HRH2: variants seen among roughly 807,000 people sequenced by gnomAD.
HRH2 encodes histamine receptor H2.
In HRH2, 4 loss-of-function variants were observed where a neutral mutation model predicts 20.1. That is an observed-to-expected ratio of 0.20 (90% CI 0.10 to 0.45). The LOEUF (loss-of-function observed/expected upper bound fraction) is 0.45, where lower values mean the gene tolerates loss of function less well. Ranked by LOEUF, HRH2 falls within the 20% of genes least tolerant of loss-of-function variation. HRH2 has a pLI of 0.99. For missense variants in HRH2, 250 were observed against 461.6 expected, an observed-to-expected ratio of 0.54 and a Z score of 4.20; for synonymous variants, 197 against 200.7, an observed-to-expected ratio of 0.98 and a Z score of 0.16.
At position 175,677,237 on chromosome 5, in the gene HRH2, C is replaced by G. The variant is rs78760826; in HGVS notation, c.-525-5472C>G. 3.8e-3 allele frequency among the ~76,000 whole-genome samples: 586 copies of G among 152,344 alleles called. 3 individuals carry two copies. The highest frequency in any genetic ancestry group is 0.027 in the Middle Eastern group (8 of 294). On this transcript the variant is annotated intron_variant, in intron 1 of 2. Transcript: ENST00000636584. The surrounding 1 kb of genome is among the most constrained non-coding windows in gnomAD (Gnocchi z 4.2). ...CTCAAATTCCTGGCCAATTCTCCCA[C>G]CTCAGCCTCCCAAAATGCTGGGACT...
rs931075557 is a variant in HRH2 at position 175,709,101 on chromosome 5, G to C, written c.*1130G>C. 5 of 152,066 alleles carry C rather than the reference G, an allele frequency of 3.3e-5. No homozygotes were observed. Among genetic ancestry groups the C allele is most frequent in the African/African-American group, 1.2e-4 (5 of 41,384 alleles). 9.4% of individuals were successfully genotyped at this position (152,066 alleles called of 1,614,324 possible). The stretch of plus-strand genomic sequence containing the variant: ...GGGTAGTGCCAGCCCCAGAGAGAGG[G>C]GGCTGTGGAGGGACTTCTACCCCCA... On this transcript the variant is annotated 3_prime_UTR_variant, in exon 3 of 3. Transcript: ENST00000636584.
At chr5:175,667,640 C>T (rs1321206178) in intron 1 of HRH2, among the ~76,000 whole-genome samples, 1 of 152,138 alleles carries the variant, frequency 6.6e-6, no homozygotes, top group Non-Finnish European at 1.5e-5. Flanking sequence ...ATCATTGTCT[C>T]CTTACAATTT....
At chr5:175,660,157 A>G (rs1762696531) in intron 1 of HRH2, among the ~76,000 whole-genome samples, 1 of 152,216 alleles carries the variant, frequency 6.6e-6, no homozygotes, top group African/African-American at 2.4e-5. Context: ...GGGAAACAGG[A>G]TTAAGTTCCA....
chr5:175,697,792 C>T (rs1214346606), intron 2 of HRH2, among the ~76,000 whole-genome samples: 1 of 152,236 alleles, frequency 6.6e-6, no homozygotes, highest in Admixed American at 6.5e-5. Context: ...CCTTTCTCAT[C>T]TCTTCAGCCC....
At chr5:175,669,760 C>G (rs1038935221) in intron 1 of HRH2, among the ~76,000 whole-genome samples, 5 of 152,192 alleles carry the variant, frequency 3.3e-5, no homozygotes, top group Admixed American at 1.3e-4. Flanking sequence ...CTTAACATAA[C>G]CTAACACCCG....
chr5:175,695,244 G>C (rs1423159196), intron 2 of HRH2, among the ~76,000 whole-genome samples: 2 of 152,144 alleles, frequency 1.3e-5, no homozygotes, highest in Admixed American at 1.3e-4. Context: ...GGTAGAGTCA[G>C]ACTTCAGGGA....
At chr5:175,700,682 G>A (rs780555473) in intron 2 of HRH2, among the ~76,000 whole-genome samples, 9 of 152,082 alleles carry the variant, frequency 5.9e-5, no homozygotes, top group Non-Finnish European at 1.2e-4. Flanking sequence ...AGGTCAGTTC[G>A]AGACCAGCCT....
intron 1 of HRH2, among the ~76,000 whole-genome samples, chr5:175,670,567 C>A (rs527411346): frequency 6.6e-6 from 1 of 152,306 alleles, no homozygotes; most frequent in Non-Finnish European, 1.5e-5. Context: ...CTCACAGTGA[C>A]CACTAGGCTA....
At chr5:175,696,398 C>G (rs1271836056) in intron 2 of HRH2, among the ~76,000 whole-genome samples, 1 of 152,088 alleles carries the variant, frequency 6.6e-6, no homozygotes, top group Non-Finnish European at 1.5e-5. Context: ...GGGAGCCCCC[C>G]ACTTTGCCGT....
intron 1 of HRH2, among the ~76,000 whole-genome samples, chr5:175,661,126 C>A (rs1561716766): frequency 6.8e-6 from 1 of 147,890 alleles, no homozygotes; most frequent in Admixed American, 7.1e-5. Flanking sequence ...CTTGGAATTT[C>A]TCTTGCCTGC....
At chr5:175,666,676 C>T (rs1304864201) in intron 1 of HRH2, among the ~76,000 whole-genome samples, 1 of 152,178 alleles carries the variant, frequency 6.6e-6, no homozygotes, top group Non-Finnish European at 1.5e-5. Flanking sequence ...AGCGATCCAC[C>T]CGCCTTGCCT....
intron 2 of HRH2, among the ~76,000 whole-genome samples, chr5:175,698,389 G>A (rs112325847): frequency 0.057 from 8,748 of 152,202 alleles, 767 homozygotes; most frequent in African/African-American, 0.19. Context: ...AGATTTGAGC[G>A]TTGCTACTGT....
At chr5:175,658,519 C>G (rs1052835976) in intron 1 of HRH2, among the ~76,000 whole-genome samples, 2 of 152,130 alleles carry the variant, frequency 1.3e-5, no homozygotes, top group Admixed American at 1.3e-4. Context: ...AGTGCACTTG[C>G]GCCGAAACAG....
intron 2 of HRH2, among the ~76,000 whole-genome samples, chr5:175,696,982 C>T (rs1438982547): frequency 3.3e-5 from 5 of 152,210 alleles, no homozygotes; most frequent in South Asian, 2.1e-4. Context: ...GGCAGGATCC[C>T]GGTCTCCCTG....
chr5:175,659,490 G>A (rs1325366869), intron 1 of HRH2, among the ~76,000 whole-genome samples: 2 of 152,088 alleles, frequency 1.3e-5, no homozygotes, highest in Admixed American at 6.6e-5. Context: ...CCTGGTACTC[G>A]GTGCATTACA....
At chr5:175,690,890 TTGCCACGG>T (rs1347757903) in intron 2 of HRH2, among the ~76,000 whole-genome samples, 2 of 152,246 alleles carry the variant, frequency 1.3e-5, no homozygotes, top group Non-Finnish European at 2.9e-5. Flanking sequence ...TAGCATAACA[TTGCCACGG>T]TGCTATCTTT....
intron 1 of HRH2, among the ~76,000 whole-genome samples, chr5:175,670,926 A>G (rs1174787838): frequency 1.3e-5 from 2 of 152,268 alleles, no homozygotes; most frequent in African/African-American, 2.4e-5. Context: ...TAGTGGGCAC[A>G]CAGACATGGG....
chr5:175,691,883 A>AG (rs1278317784), intron 2 of HRH2, among the ~76,000 whole-genome samples: 1 of 150,978 alleles, frequency 6.6e-6, no homozygotes, highest in African/African-American at 2.4e-5. Context: ...AAGAAAAAAG[A>AG]GAAAAAAAAA....
At chr5:175,676,512 C>T (rs1755767102) in intron 1 of HRH2, among the ~76,000 whole-genome samples, 1 of 152,208 alleles carries the variant, frequency 6.6e-6, no homozygotes, top group African/African-American at 2.4e-5. Flanking sequence ...TGCCCCAGGG[C>T]TCGTCTCCGG....
Sources: gnomAD v4.1 joint callset for allele counts (sites outside exome capture counted in the v4.1 genomes callset) on GRCh38, gnomAD v4.1.1 for gene constraint, Gnocchi (gnomAD v3.1) non-coding constraint, MANE v1.5 for transcripts, NCBI Gene and HGNC (gene_info 2026-07-23, HGNC 2026-07-21) for gene names.